CADPS2: variants seen among roughly 807,000 people sequenced by gnomAD.
CADPS2 encodes the protein calcium-dependent secretion activator 2.
CADPS2 carries 93 observed loss-of-function variants against 172.5 expected under a neutral mutation model. The ratio of observed to expected loss-of-function variants is 0.54; its 90% CI spans 0.46 to 0.64. CADPS2 has a LOEUF of 0.64. Ranked by LOEUF, CADPS2 falls within the 30% of genes least tolerant of loss-of-function variation. CADPS2 has a pLI of 0.00. For missense variants in CADPS2, 1,420 were observed against 1,565.9 expected (o/e 0.91, Z 1.57); for synonymous variants, 546 against 555.2 (o/e 0.98, Z 0.23).
intron 3 of CADPS2, among the ~76,000 whole-genome samples, chr7:122,644,820 T>G (rs2078122157): frequency 6.6e-6 from 1 of 152,176 alleles, no homozygotes; most frequent in Admixed American, 6.5e-5. Flanking sequence ...TGTGAAGTTA[T>G]GTATGAAAGA....
At chr7:122,446,829 T>A (rs2052284379) in intron 15 of CADPS2, among the ~76,000 whole-genome samples, 1 of 152,192 alleles carries the variant, frequency 6.6e-6, no homozygotes, top group South Asian at 2.1e-4. Flanking sequence ...GATCATGGCC[T>A]GGAAATGCTC....
At chr7:122,662,247 ATAGT>A (rs2080654183) in intron 3 of CADPS2, among the ~76,000 whole-genome samples, 2 of 152,362 alleles carry the variant, frequency 1.3e-5, no homozygotes, top group East Asian at 1.9e-4. Flanking sequence ...ATATTAGGGC[ATAGT>A]TAAATAATTT....
chr7:122,644,951 A>G (rs1013750311), intron 3 of CADPS2, among the ~76,000 whole-genome samples: 1 of 152,098 alleles, frequency 6.6e-6, no homozygotes, highest in Non-Finnish European at 1.5e-5. Flanking sequence ...ATTCTTGTAG[A>G]ACAGTTATAA....
At chr7:122,769,743 G>A (rs1012764916) in intron 1 of CADPS2, among the ~76,000 whole-genome samples, 2 of 152,174 alleles carry the variant, frequency 1.3e-5, no homozygotes, top group African/African-American at 4.8e-5. Context: ...AAAGGCATGG[G>A]CTTCAGGGTG....
chr7:122,803,399 A>C (rs1261770480), intron 1 of CADPS2, among the ~76,000 whole-genome samples: 3 of 152,202 alleles, frequency 2.0e-5, no homozygotes, highest in African/African-American at 7.2e-5. Flanking sequence ...TGCTGCTGCA[A>C]GAGGAAGAAC....
At chr7:122,816,579 T>A (rs1199896251) in intron 1 of CADPS2, among the ~76,000 whole-genome samples, 1 of 152,232 alleles carries the variant, frequency 6.6e-6, no homozygotes, top group African/African-American at 2.4e-5. Flanking sequence ...ATACAGTAGT[T>A]CTATTTTTAG....
chr7:122,804,506 T>C (rs1798361416), intron 1 of CADPS2, among the ~76,000 whole-genome samples: 1 of 152,252 alleles, frequency 6.6e-6, no homozygotes, highest in African/African-American at 2.4e-5. Flanking sequence ...TCATTTAATT[T>C]ATTGTTTTTA....
chr7:122,465,230 A>T (rs1057464026), intron 14 of CADPS2, among the ~76,000 whole-genome samples: 1 of 152,224 alleles, frequency 6.6e-6, no homozygotes, highest in Non-Finnish European at 1.5e-5. Flanking sequence ...TACATTTAAT[A>T]ACTTAAATGA....
intron 29 of CADPS2, among the ~76,000 whole-genome samples, chr7:122,321,264 T>C (rs1447058160): frequency 6.6e-6 from 1 of 152,184 alleles, no homozygotes; most frequent in Non-Finnish European, 1.5e-5. Context: ...CCTCCCAGGC[T>C]GAAGCAATCC....
intron 1 of CADPS2, among the ~76,000 whole-genome samples, chr7:122,747,207 C>G (rs181141640): frequency 1.7e-4 from 26 of 152,050 alleles, no homozygotes; most frequent in Admixed American, 3.3e-4. Flanking sequence ...GCCATTCCCC[C>G]CAACACCCAG....
At position 122,820,542 on chromosome 7, in the gene CADPS2, G is replaced by GTTTTT. The variant is rs1286462243; in HGVS notation, c.339+65452_339+65456dup. Among the ~76,000 whole-genome samples the GTTTTT allele has an allele frequency of 1.1e-3, 128 of 117,766 alleles. 7 individuals are homozygous for GTTTTT. Among genetic ancestry groups the GTTTTT allele is most frequent in the African/African-American group, 4.5e-3 (123 of 27,568 alleles). 77.3% of individuals were successfully genotyped at this position (117,766 alleles called of 152,430 possible). ...TCTGTCCAAACAACTTGACCTTACT[G>GTTTTT]TTTTTTGTTTTTTGTTTTTTTTTTT... On this transcript the variant is annotated intron_variant, in intron 1 of 29. Transcript: ENST00000449022.
intron 9 of CADPS2, among the ~76,000 whole-genome samples, chr7:122,512,734 T>TTA (rs879353628): frequency 6.6e-6 from 1 of 151,788 alleles, no homozygotes; most frequent in Non-Finnish European, 1.5e-5. Flanking sequence ...AAATCAGTGA[T>TTA]TATATGTATT....
chr7:122,475,262 G>C (rs1180236924), intron 12 of CADPS2, among the ~76,000 whole-genome samples: 1 of 152,152 alleles, frequency 6.6e-6, no homozygotes, highest in East Asian at 1.9e-4. Flanking sequence ...ACTAAGTATA[G>C]AGAGAAAAAG....
chr7:122,509,574 T>C (rs1422311589), intron 9 of CADPS2, among the ~76,000 whole-genome samples: 4 of 152,194 alleles, frequency 2.6e-5, no homozygotes, highest in Non-Finnish European at 5.9e-5. Flanking sequence ...AACACTGTTT[T>C]GTACTTCATG....
intron 1 of CADPS2, among the ~76,000 whole-genome samples, chr7:122,849,093 G>A (rs980310692): frequency 1.3e-5 from 2 of 152,100 alleles, no homozygotes; most frequent in African/African-American, 4.8e-5. Context: ...CCTAAACTTA[G>A]TCTCCTTACT....
intron 8 of CADPS2, among the ~76,000 whole-genome samples, chr7:122,527,617 AGT>A (rs59653845): frequency 0.014 from 1,135 of 83,696 alleles, 8 homozygotes; most frequent in Middle Eastern, 0.037. Flanking sequence ...AGAGAGAGAG[AGT>A]GTGTGTGTGT....
chr7:122,727,162 TA>T (rs553499937), intron 2 of CADPS2, among the ~76,000 whole-genome samples: 115 of 152,026 alleles, frequency 7.6e-4, no homozygotes, highest in African/African-American at 2.6e-3. Context: ...GGATTATAAA[TA>T]GGTATGAGCG....
intron 2 of CADPS2, chr7:122,699,036 C>T: frequency 2.9e-6 from 2 of 698,804 alleles, no homozygotes; most frequent in South Asian, 4.4e-5. Context: ...CACTGTCTTC[C>T]AGCATGTTTT....
chr7:122,833,615 C>T (rs1482646893), intron 1 of CADPS2, among the ~76,000 whole-genome samples: 1 of 151,872 alleles, frequency 6.6e-6, no homozygotes, highest in East Asian at 1.9e-4. Flanking sequence ...AGGCTGGTCT[C>T]GAACTCCTGA....
Sources: allele counts gnomAD v4.1 joint callset (sites outside exome capture counted in the v4.1 genomes callset), GRCh38; gene constraint gnomAD v4.1.1; transcripts MANE v1.5; gene names NCBI Gene and HGNC (gene_info 2026-07-23, HGNC 2026-07-21).